Variants in NF1 observed in about 807,000 individuals in gnomAD.
NF1 encodes the protein neurofibromin.
A neutral mutation model predicts 325.7 loss-of-function variants in NF1; 122 were observed. That is an observed-to-expected ratio of 0.37 (90% CI 0.32 to 0.44). NF1 has a LOEUF of 0.44. NF1 is among the 20% of genes least tolerant of loss of function. The pLI is 1.00. For synonymous variants in NF1, 1,091 were observed against 1,186.0 expected (o/e 0.92, Z 1.65); for missense variants, 2,140 against 3,415.4 (o/e 0.63, Z 9.31).
chr17:31,168,433 CTTTT>C (rs2065879560), intron 4 of NF1, among the ~76,000 whole-genome samples: 1 of 152,014 alleles, frequency 6.6e-6, no homozygotes, highest in South Asian at 2.1e-4. Flanking sequence ...TCAGAAATGG[CTTTT>C]TTGTTTTGTT....
At chr17:31,294,947 C>T in intron 36 of NF1, 3 of 1,607,144 alleles carry the variant, frequency 1.9e-6, no homozygotes, top group Non-Finnish European at 2.6e-6. Flanking sequence ...TAGATATGGA[C>T]ATATTTTCCC....
At chr17:31,235,466 C>T (rs1402672970) in intron 27 of NF1, 145 bp from the exon 28 acceptor site, 1 of 808,998 alleles carries the variant, frequency 1.2e-6, no homozygotes, top group South Asian at 1.4e-5. Flanking sequence ...TGTTAAATCT[C>T]AGGATAAATA....
At chr17:31,265,430 C>A in intron 36 of NF1, 91 bp downstream of exon 36, 1 of 908,368 alleles carries the variant, frequency 1.1e-6, no homozygotes. Context: ...TCCCAGTTGA[C>A]TTAACAGGAA....
chr17:31,244,146 T>G (rs1308394825), intron 29 of NF1, among the ~76,000 whole-genome samples: 1 of 152,150 alleles, frequency 6.6e-6, no homozygotes, highest in Non-Finnish European at 1.5e-5. Flanking sequence ...GCCTCAGGAC[T>G]CTGCCTGGTG....
At chr17:31,120,012 G>A (rs1914291403) in intron 1 of NF1, among the ~76,000 whole-genome samples, 1 of 152,138 alleles carries the variant, frequency 6.6e-6, no homozygotes, top group South Asian at 2.1e-4. Context: ...GTTTACTGTA[G>A]CCTTGTAGTA....
In NF1 at chr17:31,336,345, C is replaced by CT; in HGVS notation, c.6021dup (p.Asp2008Ter). 6.2e-7 allele frequency: 1 copy of CT among 1,613,976 alleles called. No homozygotes were observed. Among genetic ancestry groups the CT allele is most frequent in the Non-Finnish European group, 8.5e-7 (1 of 1,179,938 alleles). The stretch of plus-strand genomic sequence containing the variant: ...CTTCTTCAACTAGATTACAGATCTG[C>CT]TTGATGTTGTACTAGACAGTTTCAT... On this transcript the variant is annotated frameshift_variant, in exon 41 of 58. Coordinates refer to ENST00000358273, the MANE Select transcript of NF1 (RefSeq NM_001042492.3). LOFTEE classifies it high-confidence loss of function. This position sits in a 1 kb window ranked among gnomAD's most constrained non-coding sequence, Gnocchi z 5.5.
chr17:31,323,769 C>T (rs2151535008), intron 36 of NF1, among the ~76,000 whole-genome samples: 1 of 152,262 alleles, frequency 6.6e-6, no homozygotes, highest in African/African-American at 2.4e-5. Flanking sequence ...CTGCATTCCT[C>T]CTTACCTGAT....
At chr17:31,267,570 G>A (rs571333027) in intron 36 of NF1, among the ~76,000 whole-genome samples, 86 of 152,234 alleles carry the variant, frequency 5.6e-4, no homozygotes, top group African/African-American at 1.8e-3. Flanking sequence ...CATTATGAAG[G>A]TCTTGTCTGT....
intron 36 of NF1, chr17:31,321,477 C>T (rs1214938704): frequency 6.6e-6 from 1 of 152,046 alleles, no homozygotes; most frequent in Non-Finnish European, 1.5e-5. Flanking sequence ...TAAGAAAAGC[C>T]GTATATATAT....
chr17:31,304,976 G>A, intron 36 of NF1: 1 of 1,614,184 alleles, frequency 6.2e-7, no homozygotes, highest in Non-Finnish European at 8.5e-7. Context: ...ATAGAAGTCA[G>A]AAGTACACCA....
chr17:31,110,288 A>G (rs1376896807), intron 1 of NF1, among the ~76,000 whole-genome samples: 2 of 152,228 alleles, frequency 1.3e-5, no homozygotes, highest in Non-Finnish European at 2.9e-5. Context: ...TGTAATGAGG[A>G]CTAGATGAAT....
intron 1 of NF1, among the ~76,000 whole-genome samples, chr17:31,138,818 G>A (rs1490049833): frequency 5.3e-5 from 8 of 151,312 alleles, no homozygotes; most frequent in Non-Finnish European, 1.0e-4. Flanking sequence ...TCCTGATGTC[G>A]TGATATGCCC....
chr17:31,147,425 C>G (rs1298892090), intron 1 of NF1, among the ~76,000 whole-genome samples: 1 of 152,166 alleles, frequency 6.6e-6, no homozygotes, highest in Admixed American at 6.5e-5. Context: ...TATGACTATA[C>G]CAGTTTTTAA....
intron 29 of NF1, among the ~76,000 whole-genome samples, chr17:31,244,898 C>G (rs2067365335): frequency 6.6e-6 from 1 of 152,170 alleles, no homozygotes; most frequent in Admixed American, 6.5e-5. Context: ...CTTGCTCCAC[C>G]TCCAGTTCTC....
In NF1 at chr17:31,227,671, T is replaced by C. The variant is rs2151427829; in HGVS notation, c.2409+65T>C. ...GCTAAATATATGTACTTCACTTTGA[T>C]AATCTTTCAAGAGTCGCTCAGTAAA... On this transcript the variant is annotated intron_variant, in intron 20 of 57. Transcript: ENST00000358273. 8 of 1,403,026 alleles carry C rather than the reference T, an allele frequency of 5.7e-6. No homozygotes were observed. In the South Asian group the frequency reaches 8.2e-5, roughly 14 times the overall value. The allele number at this position is 1,403,026 out of a possible 1,614,324, so 86.9% of individuals were successfully genotyped here.
chr17:31,264,277 G>C (rs953336889), intron 35 of NF1, among the ~76,000 whole-genome samples: 7 of 152,066 alleles, frequency 4.6e-5, no homozygotes, highest in African/African-American at 1.4e-4. Context: ...CAGGTGTGGT[G>C]GTGGGCACTT....
At chr17:31,295,914 G>A (rs1371715493) in intron 36 of NF1, 1 of 1,613,946 alleles carries the variant, frequency 6.2e-7, no homozygotes. Context: ...TTTTTAATGA[G>A]GACAACCTTT....
At chr17:31,176,865 A>G (rs553478975) in intron 5 of NF1, among the ~76,000 whole-genome samples, 8 of 152,074 alleles carry the variant, frequency 5.3e-5, no homozygotes, top group Non-Finnish European at 1.0e-4. Context: ...CCATTGGTCT[A>G]TGTATCTGTT....
chr17:31,235,362 G>A (rs766072478), intron 27 of NF1, among the ~76,000 whole-genome samples: 6 of 152,102 alleles, frequency 3.9e-5, no homozygotes, highest in Admixed American at 1.3e-4. Flanking sequence ...CTAGTAAAGC[G>A]TAGGCCTCTC....
Sources: allele counts gnomAD v4.1 joint callset (sites outside exome capture counted in the v4.1 genomes callset), GRCh38; gene constraint gnomAD v4.1.1; non-coding constraint Gnocchi (gnomAD v3.1); transcripts MANE v1.5; gene names NCBI Gene and HGNC (gene_info 2026-07-23, HGNC 2026-07-21).